WDR70: variants seen among roughly 807,000 people sequenced by gnomAD.
The protein encoded by WDR70 is WD repeat domain 70.
In WDR70, 53 loss-of-function variants were observed where a neutral mutation model predicts 88.6. That is an observed-to-expected ratio of 0.60 (90% CI 0.48 to 0.75). WDR70 has a LOEUF of 0.75. Among genes scored for constraint, WDR70 ranks in the 30% least tolerant of loss-of-function variants. The pLI is 0.00. For missense variants in WDR70, 610 were observed against 823.2 expected, an observed-to-expected ratio of 0.74 and a Z score of 3.17; for synonymous variants, 280 against 270.0, an observed-to-expected ratio of 1.04 and a Z score of -0.36.
chr5:37,656,798 A>G (rs1745567699), intron 10 of WDR70, among the ~76,000 whole-genome samples: 1 of 152,144 alleles, frequency 6.6e-6, no homozygotes, highest in Non-Finnish European at 1.5e-5. Context: ...CCTCTCCCGC[A>G]ACAAAGCTGG....
At chr5:37,744,476 C>T (rs570625506) in intron 17 of WDR70, among the ~76,000 whole-genome samples, 1 of 152,032 alleles carries the variant, frequency 6.6e-6, no homozygotes, top group East Asian at 1.9e-4. Flanking sequence ...TAATAAAAAG[C>T]TATGATGAGC....
At chr5:37,706,587 CT>C (rs1473853103) in intron 13 of WDR70, among the ~76,000 whole-genome samples, 2 of 152,162 alleles carry the variant, frequency 1.3e-5, no homozygotes, top group African/African-American at 4.8e-5. Flanking sequence ...GCCTTTGCCC[CT>C]CCTTCACCTT....
chr5:37,488,368 A>G (rs1218480546), intron 8 of WDR70, among the ~76,000 whole-genome samples: 1 of 151,772 alleles, frequency 6.6e-6, no homozygotes, highest in Non-Finnish European at 1.5e-5. Context: ...AAAGTTTTCA[A>G]CGATTATTTT....
chr5:37,532,622 T>C (rs1293061335), intron 9 of WDR70, among the ~76,000 whole-genome samples: 1 of 152,112 alleles, frequency 6.6e-6, no homozygotes, highest in Non-Finnish European at 1.5e-5. Flanking sequence ...GATTGTTTTT[T>C]GCTTATGCTA....
intron 5 of WDR70, among the ~76,000 whole-genome samples, chr5:37,433,808 C>A (rs1470958870): frequency 6.6e-6 from 1 of 152,184 alleles, no homozygotes; most frequent in Non-Finnish European, 1.5e-5. Flanking sequence ...TCTGTTACAG[C>A]AACTGAAACA....
chr5:37,652,789 T>C (rs556093650), intron 10 of WDR70, among the ~76,000 whole-genome samples: 1 of 152,354 alleles, frequency 6.6e-6, no homozygotes, highest in South Asian at 2.1e-4. Flanking sequence ...CACATCAATT[T>C]TGTATCCTGA....
chr5:37,525,743 T>C (rs1741246964), intron 9 of WDR70, among the ~76,000 whole-genome samples: 1 of 151,632 alleles, frequency 6.6e-6, no homozygotes, highest in South Asian at 2.1e-4. Flanking sequence ...GCAAGACTAA[T>C]AAAAGAAGAA....
Position 37,405,786 on chromosome 5 carries a change from C to CTGT in WDR70, c.492+9217_492+9219dup, listed in dbSNP as rs768037591. Among the ~76,000 whole-genome samples the CTGT allele has an allele frequency of 3.6e-4, 55 of 152,136 alleles. 1 individual carries two copies. The highest frequency in any genetic ancestry group is 1.2e-3 in the Admixed American group (18 of 15,260). On this transcript the variant is annotated intron_variant, in intron 5 of 17. Coordinates refer to ENST00000265107, the MANE Select transcript of WDR70 (RefSeq NM_018034.4). ...ATGGACTGGTCGCAGTGGCTCATGC[C>CTGT]TGTAATCTCAGCACTTTAGGAGCTT...
Position 37,379,376 on chromosome 5 carries a change from C to T in WDR70, c.9C>T (p.Arg3=), listed in dbSNP as rs773110090. The change falls in exon 1 of 18, where the codon CGC becomes CGT. Residue 3 remains arginine (R), a synonymous_variant. Coordinates refer to ENST00000265107, the MANE Select transcript of WDR70 (RefSeq NM_018034.4). ...GGGGTGTGCGGCCAGCCATGGAGCG[C>T]TCTGGGCCCAGCGAAGGTGGGTTTC... ME[R]SGPSEVTGSD... The T allele has an allele frequency of 1.1e-5, 18 of 1,613,628 alleles. No homozygotes were observed. Among genetic ancestry groups the T allele is most frequent in the Admixed American group, 3.3e-5 (2 of 60,004 alleles).
At chr5:37,724,793 A>G in intron 15 of WDR70, 141 bp from the exon 16 acceptor site, 1 of 830,108 alleles carries the variant, frequency 1.2e-6, no homozygotes, top group Non-Finnish European at 1.9e-6. Context: ...CTAATTGGTT[A>G]CAGTAAGACT....
rs533933236 is a variant in WDR70, at chr5:37,550,970, C to T, written c.917+34380C>T. Among the ~76,000 whole-genome samples the T allele has an allele frequency of 3.3e-5, 5 of 152,204 alleles. 1 individual carries two copies. The highest frequency in any genetic ancestry group is 2.1e-4 in the South Asian group (1 of 4,822). ...TTATTTTAAGATGATAGCAGCTTAACGTTATTTGCATAAACAAATCAACAA... is the reference window on the plus strand; with the variant it reads ...TTATTTTAAGATGATAGCAGCTTAATGTTATTTGCATAAACAAATCAACAA... On this transcript the variant is annotated intron_variant, in intron 9 of 17. Transcript: ENST00000265107.
chr5:37,393,357 G>T (rs1748906184), intron 4 of WDR70, among the ~76,000 whole-genome samples: 1 of 152,148 alleles, frequency 6.6e-6, no homozygotes, highest in Admixed American at 6.5e-5. Context: ...TCTTTTTTTA[G>T]TGTCAATGTC....
chr5:37,515,246 C>T (rs10072326), intron 8 of WDR70, among the ~76,000 whole-genome samples: 136,803 of 151,596 alleles, frequency 0.9, 63,267 homozygotes, highest in East Asian at 1. Context: ...GTTTTAGGAC[C>T]ATGGTTATGG....
At chr5:37,431,588 G>A (rs746611954) in intron 5 of WDR70, among the ~76,000 whole-genome samples, 31 of 151,884 alleles carry the variant, frequency 2.0e-4, no homozygotes, top group Non-Finnish European at 3.4e-4. Context: ...AAAGTTTACC[G>A]TCTTAACCAT....
intron 7 of WDR70, among the ~76,000 whole-genome samples, chr5:37,476,749 A>C (rs962685114): frequency 1.3e-5 from 2 of 152,060 alleles, no homozygotes; most frequent in African/African-American, 4.8e-5. Flanking sequence ...ACGGGGTTTC[A>C]CCATGTTAGC....
In WDR70 at chr5:37,712,784, C is replaced by CT. The variant is rs1747548777; in HGVS notation, c.1417-8330dup. On this transcript the variant is annotated intron_variant, in intron 13 of 17. Transcript: ENST00000265107. The stretch of plus-strand genomic sequence containing the variant: ...TGGTGTGATCTCAGCTCACTGCAAC[C>CT]TCCACCTCCTGGGTTCGAGTGATTC... Among the ~76,000 whole-genome samples, 7 of 152,246 alleles carry CT rather than the reference C, an allele frequency of 4.6e-5. No individual in the cohort carries two copies. In the South Asian group the frequency reaches 1.5e-3, roughly 32 times the overall value.
chr5:37,533,529 C>G (rs1234201429), intron 9 of WDR70, among the ~76,000 whole-genome samples: 2 of 146,404 alleles, frequency 1.4e-5, no homozygotes, highest in Non-Finnish European at 3.0e-5. Context: ...GTTAAGTATT[C>G]AGGTTTTTCA....
intron 16 of WDR70, 89 bp downstream of exon 16, chr5:37,725,139 G>T: frequency 9.5e-7 from 1 of 1,056,160 alleles, no homozygotes; most frequent in Non-Finnish European, 1.4e-6. Flanking sequence ...TTTTGGGCCT[G>T]GATGCTTCTT....
At chr5:37,729,870 T>C (rs550225670) in intron 17 of WDR70, among the ~76,000 whole-genome samples, 37 of 152,304 alleles carry the variant, frequency 2.4e-4, no homozygotes, top group Non-Finnish European at 5.0e-4. Flanking sequence ...CTGCTCCCTT[T>C]TCCTATTCCC....
Sources: allele counts gnomAD v4.1 joint callset (sites outside exome capture counted in the v4.1 genomes callset), GRCh38; gene constraint gnomAD v4.1.1; transcripts MANE v1.5; gene names NCBI Gene and HGNC (gene_info 2026-07-23, HGNC 2026-07-21).